PCDHGB6: variants seen among roughly 807,000 people sequenced by gnomAD.
PCDHGB6 encodes the protein protocadherin gamma subfamily B, 6.
Under a neutral mutation model 59.1 loss-of-function variants are expected in PCDHGB6, and 51 were observed. That is an observed-to-expected ratio of 0.86 (90% CI 0.69 to 1.09). The LOEUF (loss-of-function observed/expected upper bound fraction) is 1.09, where lower values mean the gene tolerates loss of function less well. Among genes scored for constraint, PCDHGB6 ranks in the 50% least tolerant of loss-of-function variants. The probability of loss-of-function intolerance (pLI) is 0.00; values close to 1 mark genes in which losing one functional copy is unlikely to be tolerated. For missense variants in PCDHGB6, 1,148 were observed against 1,205.1 expected, an observed-to-expected ratio of 0.95 and a Z score of 0.70; for synonymous variants, 466 against 495.1, an observed-to-expected ratio of 0.94 and a Z score of 0.78.
intron 1 of PCDHGB6, among the ~76,000 whole-genome samples, chr5:141,462,559 T>G (rs1035231534): frequency 6.6e-6 from 1 of 152,248 alleles, no homozygotes; most frequent in African/African-American, 2.4e-5. Flanking sequence ...CAGTGTTTAC[T>G]GTATTTGCTA....
intron 1 of PCDHGB6, chr5:141,416,489 G>A (rs2096031582): frequency 1.3e-5 from 2 of 152,158 alleles, no homozygotes; most frequent in Admixed American, 1.3e-4. Context: ...GAGAACAGGA[G>A]CAAGAGATAT....
intron 1 of PCDHGB6, among the ~76,000 whole-genome samples, chr5:141,444,735 C>G (rs924159168): frequency 6.6e-6 from 1 of 152,116 alleles, no homozygotes; most frequent in Admixed American, 6.5e-5. Flanking sequence ...TGTTGAAAGT[C>G]ATTTCACTGA....
chr5:141,476,666 G>T lies in PCDHGB6; in HGVS notation c.2419-18141G>T. 9 of 1,614,246 alleles carry T rather than the reference G, an allele frequency of 5.6e-6. No homozygotes were observed. Among genetic ancestry groups the T allele is most frequent in the Non-Finnish European group, 7.6e-6 (9 of 1,180,044 alleles). ...CCGAAATGAATACTTTGCGCTTCGC[G>T]TGCAGACGCGGGAGGACAGCACCAA... On this transcript the variant is annotated intron_variant, in intron 1 of 3. Transcript: ENST00000520790. This position sits in a 1 kb window ranked among gnomAD's most constrained non-coding sequence, Gnocchi z 7.6.
At chr5:141,419,124 T>A in intron 1 of PCDHGB6, 1 of 1,613,798 alleles carries the variant, frequency 6.2e-7, no homozygotes, top group Non-Finnish European at 8.5e-7. Context: ...AACGTCACCA[T>A]CGCAGCCACA....
intron 1 of PCDHGB6, among the ~76,000 whole-genome samples, chr5:141,447,244 A>T (rs1475037979): frequency 6.6e-6 from 1 of 152,062 alleles, no homozygotes; most frequent in Non-Finnish European, 1.5e-5. Flanking sequence ...GGTTCAAGTG[A>T]TTCTTCTGTC....
chr5:141,415,315 G>T (rs201784236), intron 1 of PCDHGB6: 14 of 1,614,208 alleles, frequency 8.7e-6, no homozygotes, highest in African/African-American at 4.0e-5. Context: ...CTTCGTCATC[G>T]TGCTGCTGGC....
rs746408347 is a variant in PCDHGB6 at position 141,486,293 on chromosome 5, G to A, written c.2419-8514G>A. ...TGGCACTGTGGTGGCACTTATCAGT[G>A]TGCAGGATCCAGACTCAGGGTCAAA... On this transcript the variant is annotated intron_variant, in intron 1 of 3. Transcript: ENST00000520790. This position sits in a 1 kb window ranked among gnomAD's most constrained non-coding sequence, Gnocchi z 5.0. The A allele has an allele frequency of 3.1e-6, 5 of 1,614,018 alleles. No homozygotes were observed. In the Admixed American group the frequency reaches 8.3e-5, roughly 27 times the overall value.
In PCDHGB6 at chr5:141,431,482, G is replaced by C. The variant is rs781371030; in HGVS notation, c.2418+20862G>C. ...TGGATGCGAACGACAACGCACCAGCGTTTGCTCAGCCCGAGTACCGCGCGA... is the reference window on the plus strand; with the variant it reads ...TGGATGCGAACGACAACGCACCAGCCTTTGCTCAGCCCGAGTACCGCGCGA... On this transcript the variant is annotated intron_variant, in intron 1 of 3. Coordinates refer to ENST00000520790, the MANE Select transcript of PCDHGB6 (RefSeq NM_018926.3). The surrounding 1 kb of genome is among the most constrained non-coding windows in gnomAD (Gnocchi z 4.8). The C allele has an allele frequency of 6.8e-6, 11 of 1,613,800 alleles. No individual in the cohort carries two copies. The Admixed American group carries it at 1.3e-4, about 20-fold the overall frequency.
rs745334496 is a variant in PCDHGB6 at position 141,478,302 on chromosome 5, C to A, written c.2419-16505C>A. 47 of 1,613,952 alleles carry A rather than the reference C, an allele frequency of 2.9e-5. 1 individual carries two copies. In the Admixed American group the frequency reaches 7.0e-4, roughly 24 times the overall value. On this transcript the variant is annotated intron_variant, in intron 1 of 3. Transcript: ENST00000520790. ...AAGCAGTCTAGAGACCTATACCGAGCCCCGGTGAGCTCACTGTACCGAACA... is the reference window on the plus strand; with the variant it reads ...AAGCAGTCTAGAGACCTATACCGAGACCCGGTGAGCTCACTGTACCGAACA...
chr5:141,451,009 T>C (rs1437016950), intron 1 of PCDHGB6, among the ~76,000 whole-genome samples: 1 of 151,566 alleles, frequency 6.6e-6, no homozygotes, highest in East Asian at 1.9e-4. Context: ...GTATTTTTTT[T>C]AGTAGAGACG....
Position 141,417,842 on chromosome 5 carries a change from C to A in PCDHGB6, c.2418+7222C>A, listed in dbSNP as rs1247720013. 3 of 1,537,164 alleles carry A rather than the reference C, an allele frequency of 2.0e-6. No homozygotes were observed. The South Asian group carries it at 3.6e-5, about 19-fold the overall frequency. Reference sequence around the variant, plus strand: ...TCCAACTGGAAAAGCGGGGACCCAGCGAGAACCCGAGCGAACGATGGGAGG... The same window carrying A: ...TCCAACTGGAAAAGCGGGGACCCAGAGAGAACCCGAGCGAACGATGGGAGG... On this transcript the variant is annotated intron_variant, in intron 1 of 3. Transcript: ENST00000520790.
chr5:141,471,879 G>A (rs1027572395), intron 1 of PCDHGB6, among the ~76,000 whole-genome samples: 7 of 152,218 alleles, frequency 4.6e-5, no homozygotes, highest in African/African-American at 1.7e-4. Context: ...GCCTGAGGCT[G>A]AAGCTAGGAA....
rs769671283 is a variant in PCDHGB6, at chr5:141,511,391, C to T, written c.*218C>T. On this transcript the variant is annotated 3_prime_UTR_variant, in exon 4 of 4. Transcript: ENST00000520790. Reference sequence around the variant, plus strand: ...TGCAAAAGCAGTTCCGCTGGGAACCCCCATCCAATCAACTGCTGTACCCAT... The same window carrying T: ...TGCAAAAGCAGTTCCGCTGGGAACCTCCATCCAATCAACTGCTGTACCCAT... The T allele has an allele frequency of 6.4e-5, 69 of 1,079,630 alleles. No individual in the cohort carries two copies. The highest frequency in any genetic ancestry group is 1.5e-4 in the Admixed American group (5 of 34,354). 66.9% of individuals were successfully genotyped at this position (1,079,630 alleles called of 1,614,324 possible). A position where few individuals can be genotyped will look rare whatever the true frequency, so the allele number is the denominator to read the frequency against.
chr5:141,455,283 C>G (rs1225185590), intron 1 of PCDHGB6, among the ~76,000 whole-genome samples: 1 of 152,000 alleles, frequency 6.6e-6, no homozygotes, highest in East Asian at 1.9e-4. Context: ...ATTAACATCA[C>G]TTTACATAGT....
chr5:141,476,783 G>C lies in PCDHGB6; in HGVS notation c.2419-18024G>C. ...GACGGCGTTGGACGGAGGGACCCCAGCTCTCTCCGCCAGCCTGCCTATTCA... is the reference window on the plus strand; with the variant it reads ...GACGGCGTTGGACGGAGGGACCCCACCTCTCTCCGCCAGCCTGCCTATTCA... On this transcript the variant is annotated intron_variant, in intron 1 of 3. Coordinates refer to ENST00000520790, the MANE Select transcript of PCDHGB6 (RefSeq NM_018926.3). This position sits in a 1 kb window ranked among gnomAD's most constrained non-coding sequence, Gnocchi z 7.6. The C allele has an allele frequency of 6.2e-7, 1 of 1,613,510 alleles. No homozygotes were observed. The highest frequency in any genetic ancestry group is 8.5e-7 in the Non-Finnish European group (1 of 1,180,030).
rs1223431294 is a variant in PCDHGB6, at chr5:141,490,280, C to T, written c.2419-4527C>T. ...GATGTGGGGGATGTCAATGACAATG[C>T]CCCAGAGGTGCTATTGGCCTCTTTG... On this transcript the variant is annotated intron_variant, in intron 1 of 3. Transcript: ENST00000520790. The surrounding 1 kb of genome is among the most constrained non-coding windows in gnomAD (Gnocchi z 5.4). The T allele has an allele frequency of 5.6e-6, 9 of 1,614,216 alleles. No individual in the cohort carries two copies. In the East Asian group the frequency reaches 1.8e-4, roughly 32 times the overall value.
intron 1 of PCDHGB6, among the ~76,000 whole-genome samples, chr5:141,459,804 C>G (rs2098975712): frequency 6.6e-6 from 1 of 152,192 alleles, no homozygotes; most frequent in Non-Finnish European, 1.5e-5. Context: ...TCCCTGTTGA[C>G]TAGAGACACT....
In PCDHGB6 at chr5:141,487,198, T is replaced by C; in HGVS notation, c.2419-7609T>C. ...AAGACACTCATCCAGTTGTCCCAGA[T>C]CTTCGAGAATCTTCAGCTCCAAGGG... On this transcript the variant is annotated intron_variant, in intron 1 of 3. Transcript: ENST00000520790. The surrounding 1 kb of genome is among the most constrained non-coding windows in gnomAD (Gnocchi z 5.0). The C allele has an allele frequency of 6.2e-7, 1 of 1,613,854 alleles. No homozygotes were observed.
chr5:141,477,819 T>C lies in PCDHGB6; in HGVS notation c.2419-16988T>C. 1.9e-6 allele frequency: 3 copies of C among 1,614,138 alleles called. No individual in the cohort carries two copies. The highest frequency in any genetic ancestry group is 2.5e-6 in the Non-Finnish European group (3 of 1,180,030). On this transcript the variant is annotated intron_variant, in intron 1 of 3. Transcript: ENST00000520790. The surrounding 1 kb of genome is among the most constrained non-coding windows in gnomAD (Gnocchi z 4.9). ...CGCAATGACAATGCCCCCCAGGTCC[T>C]ATATCCTCGGCCAGGTGGGAGCTCG...
Sources: gnomAD v4.1 joint callset for allele counts (sites outside exome capture counted in the v4.1 genomes callset) on GRCh38, gnomAD v4.1.1 for gene constraint, Gnocchi (gnomAD v3.1) non-coding constraint, MANE v1.5 for transcripts, NCBI Gene and HGNC (gene_info 2026-07-23, HGNC 2026-07-21) for gene names.